The following EIF3B variants were observed in gnomAD, a reference collection of about 807,000 sequenced individuals.
EIF3B encodes the protein eukaryotic translation initiation factor 3 subunit B.
Under a neutral mutation model 104.6 loss-of-function variants are expected in EIF3B, and 10 were observed. That is an observed-to-expected ratio of 0.10 (90% CI 0.06 to 0.16). The LOEUF is 0.16. Ranked by LOEUF, EIF3B falls within the 10% of genes least tolerant of loss-of-function variation. The pLI is 1.00. For missense variants in EIF3B, 1,014 were observed against 1,087.9 expected (o/e 0.93, Z 0.96); for synonymous variants, 542 against 417.2 (o/e 1.30, Z -3.65).
intron 18 of EIF3B, 145 bp from the exon 19 acceptor site, chr7:2,380,059 G>A (rs909807878): frequency 2.4e-5 from 7 of 296,728 alleles, no homozygotes; most frequent in Admixed American, 4.6e-5. Context: ...GACCATGAGC[G>A]AGTAGGGGTG....
At chr7:2,367,369 C>T (rs529745815) in intron 9 of EIF3B, among the ~76,000 whole-genome samples, 3 of 152,176 alleles carry the variant, frequency 2.0e-5, no homozygotes, top group South Asian at 2.1e-4. Flanking sequence ...CACCCCATGC[C>T]GTCACCCCAG....
intron 1 of EIF3B, among the ~76,000 whole-genome samples, chr7:2,359,776 C>T (rs943413184): frequency 5.3e-5 from 8 of 152,126 alleles, no homozygotes; most frequent in Non-Finnish European, 4.4e-5. Flanking sequence ...GATGCTAATT[C>T]CTGGTAGATA....
intron 6 of EIF3B, among the ~76,000 whole-genome samples, chr7:2,365,428 G>T (rs1013814200): frequency 6.6e-6 from 1 of 152,180 alleles, no homozygotes; most frequent in Non-Finnish European, 1.5e-5. Flanking sequence ...AAGGCAGTGC[G>T]AGGCGAGCTG....
At position 2,364,503 on chromosome 7, in the gene EIF3B, G is replaced by T. The variant is rs1417901454; in HGVS notation, c.1131G>T (p.Gln377His). The T allele has an allele frequency of 6.2e-6, 10 of 1,613,062 alleles. No individual in the cohort carries two copies. In the Admixed American group the frequency reaches 1.5e-4, roughly 24 times the overall value. Residue 377 changes from glutamine to histidine, a missense_variant, in exon 6 of 19, where the codon CAG becomes CAT. Transcript: ENST00000360876. ...AGAGATTCAGCCACCAAGGGGTTCA[G>T]CTTATTGACTTCTCACCTTGTGAAA... ...QIQRFSHQGVQLIDFSPCERY... is the reference protein window; with the variant it reads ...QIQRFSHQGVHLIDFSPCERY...
chr7:2,357,717 A>T (rs1285742848), intron 1 of EIF3B, among the ~76,000 whole-genome samples: 1 of 152,200 alleles, frequency 6.6e-6, no homozygotes, highest in African/African-American at 2.4e-5. Flanking sequence ...TCCATGAGCC[A>T]CGTGTAACCG....
In EIF3B at chr7:2,377,370, G is replaced by T. The variant is rs552971569; in HGVS notation, c.2154+295G>T. Among the ~76,000 whole-genome samples, 5 of 152,340 alleles carry T rather than the reference G, an allele frequency of 3.3e-5. No homozygotes were observed. The East Asian group carries it at 9.6e-4, about 29-fold the overall frequency. ...GCTGGGATTAGAAGCGGCTTGTCTG[G>T]GATTTACATTATTGTGGTAAAATAG... On this transcript the variant is annotated intron_variant, in intron 15 of 18. Coordinates refer to ENST00000360876, the MANE Select transcript of EIF3B (RefSeq NM_001037283.2).
chr7:2,363,898 T>C, intron 5 of EIF3B, 138 bp downstream of exon 5: 1 of 994,442 alleles, frequency 1.0e-6, no homozygotes, highest in South Asian at 1.7e-5. Context: ...GAAAACAACT[T>C]CTTTTATTCC....
At chr7:2,362,786 A>C in intron 3 of EIF3B, 22 bp downstream of exon 3, 2 of 1,613,864 alleles carry the variant, frequency 1.2e-6, no homozygotes, top group Non-Finnish European at 1.7e-6. Flanking sequence ...CTTGGCCACA[A>C]GGAAGTGGAC....
rs757161477 is a variant in EIF3B, at chr7:2,366,302, G to A, written c.1158-15G>A. 2 of 1,593,354 alleles carry A rather than the reference G, an allele frequency of 1.3e-6. No homozygotes were observed. Among genetic ancestry groups the A allele is most frequent in the South Asian group, 1.1e-5 (1 of 87,276 alleles). The stretch of plus-strand genomic sequence containing the variant: ...TGAGAGGAGGATAGTGTACAGTGTT[G>A]CCCTTCTCTTCTAGGTACCTGGTGA... On this transcript the variant is annotated splice_polypyrimidine_tract_variant and intron_variant, in intron 6 of 18. Coordinates refer to ENST00000360876, the MANE Select transcript of EIF3B (RefSeq NM_001037283.2).
At position 2,360,696 on chromosome 7, in the gene EIF3B, T is replaced by C. The variant is rs1432959248; in HGVS notation, c.500-14T>C. On this transcript the variant is annotated splice_polypyrimidine_tract_variant and intron_variant, in intron 1 of 18. Transcript: ENST00000360876. ...TTGGTAAAAATGATCATTTGAAAAA[T>C]CTCTCTTGTTCAGAATTACTGGGAG... is the stretch of plus-strand genomic sequence containing the variant. 3.2e-6 allele frequency: 5 copies of C among 1,562,174 alleles called. No homozygotes were observed. The highest frequency in any genetic ancestry group is 8.7e-7 in the Non-Finnish European group (1 of 1,147,252).
intron 9 of EIF3B, 40 bp downstream of exon 9, chr7:2,367,085 G>C (rs769597516): frequency 6.6e-7 from 1 of 1,521,982 alleles, no homozygotes; most frequent in South Asian, 1.2e-5. Flanking sequence ...GTGTGTTCAG[G>C]CTGCTTAACA....
Position 2,372,657 on chromosome 7 carries a change from G to C in EIF3B, c.1688-16G>C. The C allele has an allele frequency of 6.2e-7, 1 of 1,613,136 alleles. No homozygotes were observed. Among genetic ancestry groups the C allele is most frequent in the Non-Finnish European group, 8.5e-7 (1 of 1,179,342 alleles). On this transcript the variant is annotated splice_polypyrimidine_tract_variant and intron_variant, in intron 11 of 18. Coordinates refer to ENST00000360876, the MANE Select transcript of EIF3B (RefSeq NM_001037283.2). ...GAATTGACCAAAAAGGGAGGGGTCT[G>C]TTTTGTGCATTTTAGAAACCATCAT... is the stretch of plus-strand genomic sequence containing the variant.
At chr7:2,373,836 G>C (rs1305323103) in intron 12 of EIF3B, 1 of 152,184 alleles carries the variant, frequency 6.6e-6, no homozygotes, top group Non-Finnish European at 1.5e-5. Flanking sequence ...GTGGCTGTTG[G>C]GGTTTTCGCT....
At chr7:2,368,548 T>C (rs1290392016) in intron 9 of EIF3B, among the ~76,000 whole-genome samples, 1 of 152,228 alleles carries the variant, frequency 6.6e-6, no homozygotes, top group African/African-American at 2.4e-5. Context: ...ACCACTTCAG[T>C]GACCCCTTCC....
chr7:2,371,754 C>T, intron 10 of EIF3B, 23 bp from the exon 11 acceptor site: 1 of 1,570,994 alleles, frequency 6.4e-7, no homozygotes, highest in Non-Finnish European at 8.8e-7. Flanking sequence ...GAATGTCACC[C>T]CTTCCCCCTT....
intron 10 of EIF3B, among the ~76,000 whole-genome samples, chr7:2,371,189 G>T (rs1470571957): frequency 6.6e-6 from 1 of 152,230 alleles, no homozygotes; most frequent in African/African-American, 2.4e-5. Context: ...CACACAGCTG[G>T]AATCGGATAC....
intron 6 of EIF3B, among the ~76,000 whole-genome samples, chr7:2,366,045 G>A (rs931168801): frequency 5.9e-5 from 9 of 152,086 alleles, no homozygotes; most frequent in Non-Finnish European, 8.8e-5. Flanking sequence ...TCCACACTGC[G>A]CCACCCTCTG....
At chr7:2,374,787 A>T in intron 13 of EIF3B, 181 bp downstream of exon 13, 1 of 560,456 alleles carries the variant, frequency 1.8e-6, no homozygotes, top group East Asian at 2.8e-5. Context: ...TCCAGGACTC[A>T]GGCCAAGCCC....
chr7:2,354,746 C>T, upstream of EIF3B: 4 of 430,748 alleles, frequency 9.3e-6, no homozygotes, highest in African/African-American at 2.1e-5. Flanking sequence ...TGCGAGTCCT[C>T]TCAGGGTCGT....
Sources: gnomAD v4.1 joint callset for allele counts (sites outside exome capture counted in the v4.1 genomes callset) on GRCh38, gnomAD v4.1.1 for gene constraint, MANE v1.5 for transcripts, NCBI Gene and HGNC (gene_info 2026-07-23, HGNC 2026-07-21) for gene names.